The following GAREM1 variants were observed in gnomAD, a reference collection of about 807,000 sequenced individuals.
GAREM1 encodes the protein GRB2 associated regulator of MAPK1 subtype 1, also known as GRB2-associated and regulator of MAPK protein 1.
GAREM1 carries 26 observed loss-of-function variants against 71.3 expected under a neutral mutation model. The observed-to-expected ratio is 0.36, with a 90% CI of 0.27 to 0.51. The LOEUF is 0.51. Ranked by LOEUF, GAREM1 falls within the 20% of genes least tolerant of loss-of-function variation. GAREM1 has a pLI of 0.95. For synonymous variants in GAREM1, 440 were observed against 433.2 expected, an observed-to-expected ratio of 1.02 and a Z score of -0.20; for missense variants, 1,026 against 1,103.1, an observed-to-expected ratio of 0.93 and a Z score of 0.99.
chr18:32,396,996 A>G (rs1315545978), intron 1 of GAREM1, among the ~76,000 whole-genome samples: 2 of 152,216 alleles, frequency 1.3e-5, no homozygotes, highest in Admixed American at 6.5e-5. Context: ...AGTGGGGGCC[A>G]ATATTCAACA....
At chr18:32,278,312 A>T (rs2144437324) in intron 4 of GAREM1, among the ~76,000 whole-genome samples, 2 of 152,310 alleles carry the variant, frequency 1.3e-5, no homozygotes, top group Middle Eastern at 3.4e-3. Flanking sequence ...CAACTGTCAC[A>T]TGCCTGGCAG....
Position 32,264,051 on chromosome 18 carries a change from T to C in GAREM1, c.*3820A>G, listed in dbSNP as rs763177979. On this transcript the variant is annotated 3_prime_UTR_variant, in exon 6 of 6. Transcript: ENST00000269209. ...GAGACAAATTTTAAAACACCAAGTTTTAAAGACTGAACAGTGTGATTTAAC... is the reference window on the plus strand; with the variant it reads ...GAGACAAATTTTAAAACACCAAGTTCTAAAGACTGAACAGTGTGATTTAAC... The C allele has an allele frequency of 5.3e-5, 8 of 152,184 alleles. No individual in the cohort carries two copies. Among genetic ancestry groups the C allele is most frequent in the Non-Finnish European group, 1.0e-4 (7 of 68,022 alleles). 9.4% of individuals were successfully genotyped at this position (152,184 alleles called of 1,614,324 possible).
intron 2 of GAREM1, among the ~76,000 whole-genome samples, chr18:32,321,170 T>C (rs1027380987): frequency 6.6e-5 from 10 of 152,146 alleles, no homozygotes; most frequent in African/African-American, 1.7e-4. Context: ...AATGAATAAA[T>C]AAACATATAA....
At chr18:32,295,963 CT>C (rs112464339) in intron 3 of GAREM1, among the ~76,000 whole-genome samples, 63 of 146,290 alleles carry the variant, frequency 4.3e-4, no homozygotes, top group Non-Finnish European at 4.5e-4. Context: ...TTAGCTTTTT[CT>C]TTTTTTTTTT....
At position 32,364,008 on chromosome 18, in the gene GAREM1, ATATATATATATATATATATGTTTTTT is replaced by A. The variant is rs1181960928; in HGVS notation, c.262+28861_262+28886del. 2.7e-4 allele frequency among the ~76,000 whole-genome samples: 12 copies of A among 43,890 alleles called. 2 individuals are homozygous for A. The highest frequency in any genetic ancestry group is 1.7e-3 in the African/African-American group (12 of 6,962). 28.8% of individuals were successfully genotyped at this position (43,890 alleles called of 152,430 possible). On this transcript the variant is annotated intron_variant, in intron 2 of 5. Transcript: ENST00000269209. ...AATACATATATACATATATATATAT[ATATATATATATATATATATGTTTTTT>A]TTTTTTTTTTTTTTTTGTGAGACAC...
intron 3 of GAREM1, among the ~76,000 whole-genome samples, chr18:32,308,518 TA>T (rs944043725): frequency 9.4e-5 from 14 of 149,502 alleles, no homozygotes; most frequent in South Asian, 2.1e-4. Flanking sequence ...ACTAACTTTC[TA>T]AAAAAAACTT....
chr18:32,300,077 A>G (rs892596486), intron 3 of GAREM1, among the ~76,000 whole-genome samples: 2 of 152,216 alleles, frequency 1.3e-5, no homozygotes, highest in Non-Finnish European at 2.9e-5. Context: ...AAGATAGTAG[A>G]AAAGTGTATT....
At position 32,395,349 on chromosome 18, in the gene GAREM1, T is replaced by A. The variant is rs115668356; in HGVS notation, c.122-2314A>T. On this transcript the variant is annotated intron_variant, in intron 1 of 5. Coordinates refer to ENST00000269209, the MANE Select transcript of GAREM1 (RefSeq NM_001242409.2). Reference sequence around the variant, plus strand: ...TACGGGTGAACAAACCCAAGATCGCTGCCCTAGGGCACTTACTATTCAACA... The same window carrying A: ...TACGGGTGAACAAACCCAAGATCGCAGCCCTAGGGCACTTACTATTCAACA... Among the ~76,000 whole-genome samples the A allele has an allele frequency of 1.3e-3, 194 of 152,370 alleles. 1 individual carries two copies. The highest frequency in any genetic ancestry group is 4.5e-3 in the African/African-American group (186 of 41,596).
chr18:32,312,386 G>T (rs750409070), intron 2 of GAREM1, among the ~76,000 whole-genome samples: 1 of 152,142 alleles, frequency 6.6e-6, no homozygotes, highest in Non-Finnish European at 1.5e-5. Flanking sequence ...TTCCTCTCAT[G>T]AATGGTGAGT....
rs1200375209 is a variant in GAREM1 at position 32,268,700 on chromosome 18, A to C, written c.1802T>G (p.Val601Gly). The stretch of plus-strand genomic sequence containing the variant: ...TTTCAGGTCCACAGAATCAGTTTTC[A>C]CTCGGTTACATGGATAGCAGGAAAC... Reference protein sequence around the residue: ...TPVSCYPCNRVKTDSVDLKSP... With the variant: ...TPVSCYPCNRGKTDSVDLKSP... Residue 601 changes from valine to glycine, a missense_variant, in exon 6 of 6, where the codon GTG becomes GGG. Val to Gly is a moderately radical substitution (Grantham distance 109). Coordinates refer to ENST00000269209, the MANE Select transcript of GAREM1 (RefSeq NM_001242409.2). 1 of 1,614,086 alleles carries C rather than the reference A, an allele frequency of 6.2e-7. No homozygotes were observed. The highest frequency in any genetic ancestry group is 8.5e-7 in the Non-Finnish European group (1 of 1,180,000).
At chr18:32,368,990 C>T (rs1262053923) in intron 2 of GAREM1, among the ~76,000 whole-genome samples, 1 of 152,176 alleles carries the variant, frequency 6.6e-6, no homozygotes, top group Non-Finnish European at 1.5e-5. Flanking sequence ...TGTATTTGAT[C>T]TCAACAGTAC....
intron 1 of GAREM1, among the ~76,000 whole-genome samples, chr18:32,444,830 C>T (rs573774469): frequency 4.2e-4 from 64 of 152,228 alleles, no homozygotes; most frequent in African/African-American, 1.3e-3. Flanking sequence ...TCCTAAGGCA[C>T]GAACATTTAA....
chr18:32,296,683 T>C (rs2047143089), intron 3 of GAREM1, among the ~76,000 whole-genome samples: 1 of 127,598 alleles, frequency 7.8e-6, no homozygotes, highest in Non-Finnish European at 1.6e-5. Context: ...TTTTCAGTTA[T>C]TATTATTATT....
intron 4 of GAREM1, among the ~76,000 whole-genome samples, chr18:32,284,523 G>A (rs954214692): frequency 2.0e-5 from 3 of 152,152 alleles, no homozygotes; most frequent in Admixed American, 6.5e-5. Context: ...TCTAGACTTG[G>A]TTACATAAAT....
At chr18:32,445,023 T>C (rs2048773488) in intron 1 of GAREM1, among the ~76,000 whole-genome samples, 1 of 152,026 alleles carries the variant, frequency 6.6e-6, no homozygotes, top group African/African-American at 2.4e-5. Context: ...TGACCTGAGA[T>C]CCCAGAACAC....
rs143878756 is a variant in GAREM1 at position 32,444,678 on chromosome 18, C to T, written c.121+25630G>A. 4.3e-4 allele frequency among the ~76,000 whole-genome samples: 66 copies of T among 152,230 alleles called. No individual in the cohort carries two copies. The East Asian group carries it at 0.01, about 23-fold the overall frequency. ...CTGAACTAAGCCGTCCCTGGGAACC[C>T]CAAACACCCAACAATGCCAGGTCTC... On this transcript the variant is annotated intron_variant, in intron 1 of 5. Coordinates refer to ENST00000269209, the MANE Select transcript of GAREM1 (RefSeq NM_001242409.2).
At chr18:32,428,897 A>G (rs1169994224) in intron 1 of GAREM1, among the ~76,000 whole-genome samples, 2 of 151,050 alleles carry the variant, frequency 1.3e-5, no homozygotes, top group African/African-American at 4.9e-5. Context: ...ATTCCCTGAT[A>G]GTCCTCTATT....
chr18:32,376,970 A>G lies in GAREM1; in HGVS notation c.262+15925T>C, dbSNP rs142344616. On this transcript the variant is annotated intron_variant, in intron 2 of 5. Transcript: ENST00000269209. ...CCAGTGTGTTAGCTATAACTCTTCT[A>G]AAGTATGTTAGTTACAAATTTATTT... Among the ~76,000 whole-genome samples, 280 of 152,376 alleles carry G rather than the reference A, an allele frequency of 1.8e-3. 1 individual carries two copies. The highest frequency in any genetic ancestry group is 6.3e-3 in the African/African-American group (260 of 41,592).
At chr18:32,315,014 T>C (rs1427128170) in intron 2 of GAREM1, among the ~76,000 whole-genome samples, 1 of 152,246 alleles carries the variant, frequency 6.6e-6, no homozygotes, top group Non-Finnish European at 1.5e-5. Context: ...GTTTAATTTA[T>C]TGTAATTTTA....
Sources: allele counts gnomAD v4.1 joint callset (sites outside exome capture counted in the v4.1 genomes callset), GRCh38; gene constraint gnomAD v4.1.1; transcripts MANE v1.5; gene names NCBI Gene and HGNC (gene_info 2026-07-23, HGNC 2026-07-21).